PTPN9: variants seen among roughly 807,000 people sequenced by gnomAD.
PTPN9 encodes the protein tyrosine-protein phosphatase non-receptor type 9.
PTPN9 carries 26 observed loss-of-function variants against 69.8 expected under a neutral mutation model. The ratio of observed to expected loss-of-function variants is 0.37; its 90% CI spans 0.27 to 0.52. The LOEUF (loss-of-function observed/expected upper bound fraction) is 0.52. Ranked by LOEUF, PTPN9 falls within the 20% of genes least tolerant of loss-of-function variation. PTPN9 has a pLI of 0.91. For missense variants in PTPN9, 549 were observed against 740.3 expected, an observed-to-expected ratio of 0.74 and a Z score of 3.00; for synonymous variants, 274 against 272.5, an observed-to-expected ratio of 1.01 and a Z score of -0.05.
chr15:75,577,142 T>C (rs779919381), intron 1 of PTPN9, among the ~76,000 whole-genome samples: 2 of 152,236 alleles, frequency 1.3e-5, no homozygotes, highest in Non-Finnish European at 2.9e-5. Context: ...GTGTATGCAC[T>C]ATGTACAAAG....
At chr15:75,508,409 A>T (rs1370105864) in intron 6 of PTPN9, among the ~76,000 whole-genome samples, 1 of 152,164 alleles carries the variant, frequency 6.6e-6, no homozygotes, top group Non-Finnish European at 1.5e-5. Flanking sequence ...GGAAGCAACA[A>T]GGTATTCTGA....
At chr15:75,518,437 G>C (rs1028331775) in intron 4 of PTPN9, among the ~76,000 whole-genome samples, 1 of 150,200 alleles carries the variant, frequency 6.7e-6, no homozygotes, top group Non-Finnish European at 1.5e-5. Context: ...AGACCAGTCT[G>C]GGCAACATGG....
At chr15:75,549,289 C>A (rs2075046834) in intron 1 of PTPN9, among the ~76,000 whole-genome samples, 2 of 152,100 alleles carry the variant, frequency 1.3e-5, no homozygotes, top group Non-Finnish European at 2.9e-5. Flanking sequence ...CAGTCTTGAC[C>A]TCCCAGGTGC....
At chr15:75,504,388 CTCAGCCCCCCGCCCGGCCAGCCGA>C (rs2074801278) in intron 7 of PTPN9, among the ~76,000 whole-genome samples, 1 of 79,058 alleles carries the variant, frequency 1.3e-5, no homozygotes, top group Non-Finnish European at 2.5e-5. Context: ...AGGTGGGGGG[CTCAGCCCCCCGCCCGGCCAGCCGA>C]CCCGTCCGGG....
At chr15:75,480,270 G>GTT (rs1156786806) in intron 8 of PTPN9, among the ~76,000 whole-genome samples, 1 of 152,108 alleles carries the variant, frequency 6.6e-6, no homozygotes. Context: ...TACCAAAGGC[G>GTT]TAAGTGACAA....
At chr15:75,551,971 G>A (rs2075058097) in intron 1 of PTPN9, among the ~76,000 whole-genome samples, 1 of 151,678 alleles carries the variant, frequency 6.6e-6, no homozygotes, top group Non-Finnish European at 1.5e-5. Flanking sequence ...CTGCCTGGGA[G>A]GTGGAGGTTA....
chr15:75,470,912 C>A, intron 10 of PTPN9, 82 bp from the exon 11 acceptor site: 4 of 1,504,104 alleles, frequency 2.7e-6, no homozygotes, highest in Admixed American at 2.1e-5. Context: ...CCTGATATAC[C>A]CCCAGGCAGC....
chr15:75,546,570 G>A (rs1387727886), intron 1 of PTPN9, among the ~76,000 whole-genome samples: 1 of 151,790 alleles, frequency 6.6e-6, no homozygotes, highest in Non-Finnish European at 1.5e-5. Flanking sequence ...TTCAACCTGG[G>A]AGGCAGAAGT....
intron 1 of PTPN9, among the ~76,000 whole-genome samples, chr15:75,538,056 C>T (rs984582587): frequency 2.0e-5 from 3 of 147,664 alleles, no homozygotes; most frequent in Non-Finnish European, 4.6e-5. Flanking sequence ...AAGACTTTGT[C>T]TCGAAACAAA....
Position 75,509,045 on chromosome 15 carries a change from G to A in PTPN9, c.529-18C>T. On this transcript the variant is annotated intron_variant, in intron 5 of 12. Transcript: ENST00000618819. ...AATGCTCCCTGTGGAGAAAACACAT[G>A]AGGATTTAAGTGTAATGGAACCTGT... The A allele has an allele frequency of 6.3e-7, 1 of 1,595,642 alleles. No individual in the cohort carries two copies. Among genetic ancestry groups the A allele is most frequent in the Non-Finnish European group, 8.6e-7 (1 of 1,164,034 alleles).
chr15:75,473,605 T>C, intron 10 of PTPN9, 84 bp downstream of exon 10: 1 of 1,235,820 alleles, frequency 8.1e-7, no homozygotes, highest in South Asian at 1.2e-5. Context: ...TCATTATTTC[T>C]AAAAGCTAAA....
intron 1 of PTPN9, among the ~76,000 whole-genome samples, chr15:75,527,581 A>T (rs2074935311): frequency 6.6e-6 from 1 of 152,182 alleles, no homozygotes; most frequent in South Asian, 2.1e-4. Flanking sequence ...AAAAATAAAA[A>T]AATTTAAAAA....
chr15:75,518,483 A>AG (rs2074883670), intron 4 of PTPN9, among the ~76,000 whole-genome samples: 1 of 149,344 alleles, frequency 6.7e-6, no homozygotes, highest in Non-Finnish European at 1.5e-5. Context: ...AAAAAAAAAA[A>AG]GAGGGAAAAG....
chr15:75,515,421 C>T (rs2141316162), intron 5 of PTPN9, among the ~76,000 whole-genome samples: 1 of 117,722 alleles, frequency 8.5e-6, no homozygotes, highest in African/African-American at 3.7e-5. Flanking sequence ...TGCGAGACTC[C>T]GTCTCAAAAA....
intron 1 of PTPN9, among the ~76,000 whole-genome samples, chr15:75,567,722 C>T (rs569568315): frequency 2.0e-5 from 3 of 152,084 alleles, no homozygotes; most frequent in Admixed American, 6.6e-5. Context: ...TGCTGCCAGG[C>T]GCGGTGGCTC....
intron 7 of PTPN9, among the ~76,000 whole-genome samples, chr15:75,499,026 C>T (rs2074758865): frequency 6.6e-6 from 1 of 152,140 alleles, no homozygotes; most frequent in South Asian, 2.1e-4. Flanking sequence ...AGAAAGGGTA[C>T]ATGTAATCTG....
Position 75,468,523 on chromosome 15 carries a change from A to G in PTPN9, c.*246T>C. On this transcript the variant is annotated 3_prime_UTR_variant, in exon 13 of 13. Transcript: ENST00000618819. ...AATCAATAGCCACAATTTGGTTTTAATAAGGCACAGTTTGATAGCAGATGC... is the reference window on the plus strand; with the variant it reads ...AATCAATAGCCACAATTTGGTTTTAGTAAGGCACAGTTTGATAGCAGATGC... The G allele has an allele frequency of 2.5e-6, 1 of 394,206 alleles. No individual in the cohort carries two copies. The highest frequency in any genetic ancestry group is 3.7e-5 in the East Asian group (1 of 26,722). The allele number at this position is 394,206 out of a possible 1,614,324, so 24.4% of individuals were successfully genotyped here.
At chr15:75,506,072 A>C (rs1205433430) in intron 6 of PTPN9, 69 bp from the exon 7 acceptor site, 10 of 1,243,440 alleles carry the variant, frequency 8.0e-6, no homozygotes, top group Non-Finnish European at 1.1e-5. Flanking sequence ...ACAAAGAATA[A>C]ATGTATTTAT....
rs1343278014 is a variant in PTPN9 at position 75,467,377 on chromosome 15, ATG to A, written c.*1390_*1391del. 2 of 152,564 alleles carry A rather than the reference ATG, an allele frequency of 1.3e-5. No homozygotes were observed. Among genetic ancestry groups the A allele is most frequent in the Non-Finnish European group, 2.9e-5 (2 of 68,026 alleles). The allele number at this position is 152,564 out of a possible 1,614,324, so 9.5% of individuals were successfully genotyped here. A position where few individuals can be genotyped will look rare whatever the true frequency, so the allele number is the denominator to read the frequency against. On this transcript the variant is annotated 3_prime_UTR_variant, in exon 13 of 13. Transcript: ENST00000618819. The stretch of plus-strand genomic sequence containing the variant: ...TAGGAGTTCCTGGGATTTTTTGGGA[ATG>A]TGGAGTGCTGAGGACTCTTGATTTA...
Sources: allele counts gnomAD v4.1 joint callset (sites outside exome capture counted in the v4.1 genomes callset), GRCh38; gene constraint gnomAD v4.1.1; transcripts MANE v1.5; gene names NCBI Gene and HGNC (gene_info 2026-07-23, HGNC 2026-07-21).